The following SLC4A5 variants were observed in gnomAD, a reference collection of about 807,000 sequenced individuals.
SLC4A5 encodes solute carrier family 4 member 5.
SLC4A5 carries 96 observed loss-of-function variants against 120.4 expected under a neutral mutation model. The ratio of observed to expected loss-of-function variants is 0.80; its 90% CI spans 0.68 to 0.94. The LOEUF (loss-of-function observed/expected upper bound fraction) is 0.94. Among genes scored for constraint, SLC4A5 ranks in the 40% least tolerant of loss-of-function variants. The pLI, the probability that SLC4A5 is intolerant of heterozygous loss-of-function variation, is 0.00. For synonymous variants in SLC4A5, 550 were observed against 571.1 expected (o/e 0.96, Z 0.53); for missense variants, 1,259 against 1,459.5 (o/e 0.86, Z 2.24).
At chr2:74,246,507 G>A (rs572489846) in intron 19 of SLC4A5, among the ~76,000 whole-genome samples, 4 of 152,364 alleles carry the variant, frequency 2.6e-5, no homozygotes, top group Non-Finnish European at 5.9e-5. Context: ...GGCTGAATAA[G>A]CCCCGGTTCT....
chr2:74,231,568 A>G (rs1261668680), intron 24 of SLC4A5, among the ~76,000 whole-genome samples: 2 of 152,196 alleles, frequency 1.3e-5, no homozygotes, highest in East Asian at 1.9e-4. Flanking sequence ...GGGGGGCTTG[A>G]GCAGGACTGA....
Position 74,254,616 on chromosome 2 carries a change from T to A in SLC4A5, c.1113+3A>T, listed in dbSNP as rs1670901222. The A allele has an allele frequency of 6.2e-7, 1 of 1,613,562 alleles. No homozygotes were observed. Reference sequence around the variant, plus strand: ...GGAGTACAAGCTTCTGGTTACCACTTACATCATCTACCATGAGGGTTGCAA... The same window carrying A: ...GGAGTACAAGCTTCTGGTTACCACTAACATCATCTACCATGAGGGTTGCAA... On this transcript the variant is annotated splice_donor_region_variant and intron_variant, in intron 14 of 30. Transcript: ENST00000394019.
chr2:74,328,840 G>A (rs147328351), intron 4 of SLC4A5, among the ~76,000 whole-genome samples: 494 of 152,298 alleles, frequency 3.2e-3, no homozygotes, highest in African/African-American at 0.011. Context: ...GGAAATAGTG[G>A]CAGTCTGTAC....
rs1226112022 is a variant in SLC4A5, at chr2:74,290,354, T to G, written c.272-4452A>C. On this transcript the variant is annotated intron_variant, in intron 7 of 30. Transcript: ENST00000394019. ...GCTGCTACTTCCACAGGTCCTCTTC[T>G]TCACACAACAAACTCACTTTTGTTT... 6 of 985,246 alleles carry G rather than the reference T, an allele frequency of 6.1e-6. No individual in the cohort carries two copies. The African/African-American group carries it at 1.0e-4, about 17-fold the overall frequency. The allele number at this position is 985,246 out of a possible 1,614,324, so 61.0% of individuals were successfully genotyped here.
chr2:74,251,115 T>C (rs2103988060), intron 16 of SLC4A5, among the ~76,000 whole-genome samples: 1 of 152,270 alleles, frequency 6.6e-6, no homozygotes, highest in South Asian at 2.1e-4. Flanking sequence ...TGCTGATATT[T>C]TGGACTGGAT....
intron 19 of SLC4A5, 90 bp from the exon 20 acceptor site, chr2:74,242,142 T>G (rs1312279228): frequency 6.4e-6 from 8 of 1,252,560 alleles, no homozygotes; most frequent in Non-Finnish European, 9.0e-6. Context: ...TTCCAGTTCC[T>G]TAGAGCCAAG....
intron 10 of SLC4A5, among the ~76,000 whole-genome samples, chr2:74,262,558 G>C (rs558342903): frequency 6.6e-6 from 1 of 151,832 alleles, no homozygotes; most frequent in South Asian, 2.1e-4. Context: ...AAATAGCCAG[G>C]CATGGTGGTG....
At chr2:74,269,366 C>T (rs960964709) in intron 8 of SLC4A5, among the ~76,000 whole-genome samples, 4 of 144,612 alleles carry the variant, frequency 2.8e-5, no homozygotes, top group African/African-American at 5.3e-5. Flanking sequence ...CCACCAGGCC[C>T]GGCTGTTTGT....
chr2:74,306,391 G>C (rs1268819071), intron 6 of SLC4A5, among the ~76,000 whole-genome samples: 2 of 152,264 alleles, frequency 1.3e-5, no homozygotes, highest in Non-Finnish European at 2.9e-5. Flanking sequence ...TTCCAAGCTT[G>C]TGGTAAGTTC....
Position 74,304,458 on chromosome 2 carries a change from C to T in SLC4A5, c.271+31G>A, listed in dbSNP as rs965451135. The stretch of plus-strand genomic sequence containing the variant: ...CCATCTGGACACACCAGCAGGATGG[C>T]TCCCCAGAATGTACCCCTCAAGGAA... On this transcript the variant is annotated intron_variant, in intron 7 of 30. Transcript: ENST00000394019. The T allele has an allele frequency of 7.0e-6, 11 of 1,575,460 alleles. No individual in the cohort carries two copies. In the African/African-American group the frequency reaches 1.5e-4, roughly 21 times the overall value.
rs534950652 is a variant in SLC4A5 at position 74,220,840 on chromosome 2, T to C, written c.*33+594A>G. On this transcript the variant is annotated intron_variant, in intron 30 of 30. Coordinates refer to ENST00000394019, the Ensembl canonical transcript of SLC4A5. ...TTCTGTTTTCTGTCAATATTTCCTT[T>C]CTTTTTTTTTTTTTTTTTGAGATGG... Among the ~76,000 whole-genome samples, 9 of 135,894 alleles carry C rather than the reference T, an allele frequency of 6.6e-5. No individual in the cohort carries two copies. In the South Asian group the frequency reaches 2.0e-3, roughly 31 times the overall value. The allele number at this position is 135,894 out of a possible 152,430, so 89.2% of individuals were successfully genotyped here.
chr2:74,253,006 C>T (rs779538592), exon 15 of SLC4A5: 1 of 1,614,186 alleles, frequency 6.2e-7, no homozygotes, highest in Admixed American at 1.7e-5. Flanking sequence ...TCTTGGGGGG[C>T]TCAATCCGGA....
chr2:74,258,485 T>C (rs1398380259), intron 12 of SLC4A5, among the ~76,000 whole-genome samples: 6 of 152,262 alleles, frequency 3.9e-5, no homozygotes, highest in Non-Finnish European at 8.8e-5. Flanking sequence ...TTATCACAGT[T>C]GCACTGTCTG....
At chr2:74,316,690 T>A (rs1672975570) in intron 5 of SLC4A5, among the ~76,000 whole-genome samples, 1 of 152,192 alleles carries the variant, frequency 6.6e-6, no homozygotes, top group Non-Finnish European at 1.5e-5. Context: ...TTTCTTTTCC[T>A]CTAGCAGCTA....
intron 11 of SLC4A5, among the ~76,000 whole-genome samples, chr2:74,261,854 A>G (rs1035602983): frequency 9.2e-5 from 14 of 152,248 alleles, no homozygotes; most frequent in African/African-American, 3.4e-4. Flanking sequence ...AGATGAAGGT[A>G]CAGACTAAGA....
At chr2:74,263,444 A>G (rs760620612) in intron 10 of SLC4A5, among the ~76,000 whole-genome samples, 1 of 152,142 alleles carries the variant, frequency 6.6e-6, no homozygotes, top group Admixed American at 6.5e-5. Flanking sequence ...TAATGTAGCA[A>G]CTTTGCTCTG....
chr2:74,240,966 T>C (rs913149249), intron 20 of SLC4A5, among the ~76,000 whole-genome samples: 2 of 152,066 alleles, frequency 1.3e-5, no homozygotes, highest in Admixed American at 6.5e-5. Flanking sequence ...TTAAGCCACT[T>C]AGGCTGGGAT....
rs150765935 is a variant in SLC4A5, at chr2:74,307,126, T to C, written c.80-2446A>G. ...AAGGACTGGACTGTACGTCTCAGTTTCATGAGCATCATCTCAGCAGCTCCA... is the reference window on the plus strand; with the variant it reads ...AAGGACTGGACTGTACGTCTCAGTTCCATGAGCATCATCTCAGCAGCTCCA... On this transcript the variant is annotated intron_variant, in intron 6 of 30. Coordinates refer to ENST00000394019, the Ensembl canonical transcript of SLC4A5. 407 of 550,996 alleles carry C rather than the reference T, an allele frequency of 7.4e-4. 2 individuals are homozygous for C. The highest frequency in any genetic ancestry group is 6.7e-3 in the African/African-American group (356 of 53,374). 34.1% of individuals were successfully genotyped at this position (550,996 alleles called of 1,614,324 possible).
chr2:74,303,499 C>T (rs1217699914), intron 7 of SLC4A5, among the ~76,000 whole-genome samples: 6 of 152,164 alleles, frequency 3.9e-5, no homozygotes, highest in African/African-American at 7.2e-5. Flanking sequence ...AGTGAAATCA[C>T]GTCCCCAGAA....
Sources: gnomAD v4.1 joint callset for allele counts (sites outside exome capture counted in the v4.1 genomes callset) on GRCh38, gnomAD v4.1.1 for gene constraint, MANE v1.5 for transcripts, NCBI Gene and HGNC (gene_info 2026-07-23, HGNC 2026-07-21) for gene names.